The following TRIQK variants were observed in gnomAD, a reference collection of about 807,000 sequenced individuals.
TRIQK encodes the protein triple QxxK/R motif-containing protein.
In TRIQK, 10 loss-of-function variants were observed where a neutral mutation model predicts 10.8. The ratio of observed to expected loss-of-function variants is 0.92; its 90% CI spans 0.57 to 1.57. TRIQK has a LOEUF of 1.57. TRIQK is among the 40% of genes most tolerant of loss of function. The pLI is 0.00. For synonymous variants in TRIQK, 33 were observed against 33.7 expected, an observed-to-expected ratio of 0.98 and a Z score of 0.07; for missense variants, 107 against 97.7, an observed-to-expected ratio of 1.09 and a Z score of -0.40.
rs192085664 is a variant in TRIQK, at chr8:92,913,917, A to G, written c.61+3012T>C. Among the ~76,000 whole-genome samples the G allele has an allele frequency of 3.3e-5, 5 of 152,308 alleles. No individual in the cohort carries two copies. The East Asian group carries it at 9.7e-4, about 29-fold the overall frequency. ...TCTCATGCATAAGTGGGGGTTGAAC[A>G]TTGAGAACATACGAGCACAGGGAAG... On this transcript the variant is annotated intron_variant, in intron 3 of 4. Transcript: ENST00000521988.
At chr8:92,976,721 T>C (rs952490887) in intron 1 of TRIQK, among the ~76,000 whole-genome samples, 1 of 152,026 alleles carries the variant, frequency 6.6e-6, no homozygotes, top group Non-Finnish European at 1.5e-5. Context: ...TCTTTTCTTT[T>C]GCTTTCTATT....
chr8:92,929,745 A>C (rs951224747), intron 2 of TRIQK: 1 of 152,142 alleles, frequency 6.6e-6, no homozygotes, highest in Non-Finnish European at 1.5e-5. Context: ...GAGGGAGATA[A>C]CTTCTATTAA....
At chr8:92,984,873 G>T (rs767054715) in intron 1 of TRIQK, among the ~76,000 whole-genome samples, 29 of 151,988 alleles carry the variant, frequency 1.9e-4, no homozygotes, top group Non-Finnish European at 3.7e-4. Flanking sequence ...TAGACATTTT[G>T]TGTGTTTTCA....
chr8:92,925,123 C>T (rs982716689), intron 2 of TRIQK, among the ~76,000 whole-genome samples: 1 of 152,084 alleles, frequency 6.6e-6, no homozygotes, highest in Non-Finnish European at 1.5e-5. Context: ...ACTCACCTTC[C>T]AGCCAAACTA....
At chr8:92,898,301 A>T (rs965036188) in intron 3 of TRIQK, among the ~76,000 whole-genome samples, 1 of 152,118 alleles carries the variant, frequency 6.6e-6, no homozygotes, top group African/African-American at 2.4e-5. Flanking sequence ...TCTCCAAATG[A>T]ATTTTGCCTT....
chr8:92,974,257 G>C (rs765752982), intron 1 of TRIQK: 3 of 152,382 alleles, frequency 2.0e-5, no homozygotes, highest in Admixed American at 6.5e-5. Flanking sequence ...TCAGCTTCCA[G>C]CTGCAGGGCC....
At chr8:92,957,939 A>T (rs935975680) in intron 1 of TRIQK, among the ~76,000 whole-genome samples, 6 of 151,962 alleles carry the variant, frequency 3.9e-5, no homozygotes, top group Non-Finnish European at 7.4e-5. Flanking sequence ...TTATTCCATG[A>T]AAGTATAATC....
At chr8:92,958,916 C>G (rs1436234949) in intron 1 of TRIQK, among the ~76,000 whole-genome samples, 1 of 152,080 alleles carries the variant, frequency 6.6e-6, no homozygotes, top group African/African-American at 2.4e-5. Context: ...TTACACAACT[C>G]TGCTGTATTG....
chr8:92,970,855 C>G (rs1812867443), upstream of TRIQK, among the ~76,000 whole-genome samples: 1 of 152,066 alleles, frequency 6.6e-6, no homozygotes, highest in South Asian at 2.1e-4. Context: ...GATCTTTTGT[C>G]ATGAAATCTT....
intron 1 of TRIQK, among the ~76,000 whole-genome samples, chr8:92,962,810 ATTG>A (rs1812526740): frequency 6.6e-6 from 1 of 152,202 alleles, no homozygotes; most frequent in Non-Finnish European, 1.5e-5. Context: ...AAAAGCAGTA[ATTG>A]TAAGTAAGCG....
intron 1 of TRIQK, among the ~76,000 whole-genome samples, chr8:92,989,506 C>T (rs986452748): frequency 6.6e-6 from 1 of 152,070 alleles, no homozygotes; most frequent in Non-Finnish European, 1.5e-5. Flanking sequence ...CTGTTGGAAA[C>T]CCCCCATGTG....
intron 2 of TRIQK, among the ~76,000 whole-genome samples, chr8:92,946,796 T>C (rs186657896): frequency 1.5e-4 from 22 of 151,478 alleles, no homozygotes; most frequent in Admixed American, 1.4e-3. Context: ...AGTCTCGCTC[T>C]GTCGCCCAGG....
At chr8:92,999,958 A>G (rs2130755814) in intron 1 of TRIQK, among the ~76,000 whole-genome samples, 1 of 152,242 alleles carries the variant, frequency 6.6e-6, no homozygotes, top group African/African-American at 2.4e-5. Flanking sequence ...AAATACCCTC[A>G]TTGAAGATTT....
intron 1 of TRIQK, among the ~76,000 whole-genome samples, chr8:93,003,871 C>A (rs1175885555): frequency 1.3e-5 from 2 of 152,206 alleles, no homozygotes; most frequent in Non-Finnish European, 2.9e-5. Context: ...TCAAAATAAT[C>A]TCCTCTGACT....
At chr8:93,013,586 A>T (rs1469580435) in intron 1 of TRIQK, among the ~76,000 whole-genome samples, 4 of 152,238 alleles carry the variant, frequency 2.6e-5, no homozygotes, top group Non-Finnish European at 5.9e-5. Context: ...TTATTTTCAA[A>T]TAGTGTGGTC....
At chr8:92,905,713 G>A (rs1809218216) in intron 3 of TRIQK, among the ~76,000 whole-genome samples, 1 of 152,172 alleles carries the variant, frequency 6.6e-6, no homozygotes, top group African/African-American at 2.4e-5. Flanking sequence ...TGGAGTCTAT[G>A]ACATGGTAGA....
chr8:92,926,630 T>C (rs1200650198), intron 2 of TRIQK, among the ~76,000 whole-genome samples: 1 of 152,176 alleles, frequency 6.6e-6, no homozygotes, highest in African/African-American at 2.4e-5. Flanking sequence ...GAATCCAGTA[T>C]TCATTTCAAG....
chr8:92,991,241 C>T (rs1813094288), intron 1 of TRIQK, among the ~76,000 whole-genome samples: 1 of 152,202 alleles, frequency 6.6e-6, no homozygotes, highest in Non-Finnish European at 1.5e-5. Context: ...GAATAAAGGG[C>T]AGCAGCCCCA....
upstream of TRIQK, among the ~76,000 whole-genome samples, chr8:92,971,065 T>A (rs1812872563): frequency 6.6e-6 from 1 of 152,198 alleles, no homozygotes; most frequent in South Asian, 2.1e-4. Flanking sequence ...CCTTTCCCCA[T>A]TGCTTGTTTT....
Sources: gnomAD v4.1 joint callset for allele counts (sites outside exome capture counted in the v4.1 genomes callset) on GRCh38, gnomAD v4.1.1 for gene constraint, MANE v1.5 for transcripts, NCBI Gene and HGNC (gene_info 2026-07-23, HGNC 2026-07-21) for gene names.